The following INPP5A variants were observed in gnomAD, a reference collection of about 807,000 sequenced individuals.
INPP5A encodes the protein inositol polyphosphate-5-phosphatase A.
In INPP5A, 14 loss-of-function variants were observed where a neutral mutation model predicts 65.2. The observed-to-expected ratio is 0.21, with a 90% CI of 0.14 to 0.34. The LOEUF is 0.34. INPP5A is among the 10% of genes least tolerant of loss of function. The probability of loss-of-function intolerance (pLI) is 1.00; values close to 1 mark genes in which losing one functional copy is unlikely to be tolerated. For missense variants in INPP5A, 431 were observed against 545.6 expected, an observed-to-expected ratio of 0.79 and a Z score of 2.09; for synonymous variants, 207 against 208.3, an observed-to-expected ratio of 0.99 and a Z score of 0.05.
At chr10:132,609,020 A>C (rs1162335611) in intron 2 of INPP5A, among the ~76,000 whole-genome samples, 1 of 152,150 alleles carries the variant, frequency 6.6e-6, no homozygotes, top group African/African-American at 2.4e-5. Context: ...CCCAGCATGC[A>C]ATGGTGCTCT....
At chr10:132,688,628 TGC>T (rs1259628623) in intron 4 of INPP5A, among the ~76,000 whole-genome samples, 1 of 151,398 alleles carries the variant, frequency 6.6e-6, no homozygotes, top group African/African-American at 2.4e-5. Flanking sequence ...TGTGAGCAAG[TGC>T]GTGCGTGTGC....
intron 2 of INPP5A, among the ~76,000 whole-genome samples, chr10:132,632,808 C>G (rs1192518747): frequency 6.6e-6 from 1 of 152,230 alleles, no homozygotes; most frequent in East Asian, 1.9e-4. Flanking sequence ...GACTATTTAG[C>G]TCTGTGTCTG....
chr10:132,566,444 C>T (rs1424994412), intron 1 of INPP5A, among the ~76,000 whole-genome samples: 1 of 152,160 alleles, frequency 6.6e-6, no homozygotes, highest in East Asian at 1.9e-4. Context: ...AACAGCTGTG[C>T]AGTTGTCTTG....
At position 132,650,322 on chromosome 10, in the gene INPP5A, C is replaced by T; in HGVS notation, c.219-96C>T. 1.2e-6 allele frequency: 1 copy of T among 802,328 alleles called. No homozygotes were observed. The highest frequency in any genetic ancestry group is 2.2e-6 in the Non-Finnish European group (1 of 456,706). 49.7% of individuals were successfully genotyped at this position (802,328 alleles called of 1,614,324 possible). On this transcript the variant is annotated intron_variant, in intron 3 of 15. Coordinates refer to ENST00000368594, the MANE Select transcript of INPP5A (RefSeq NM_005539.5). This position sits in a 1 kb window ranked among gnomAD's most constrained non-coding sequence, Gnocchi z 5.5. ...GGTGGATGGTCTCACGGTGATGTAC[C>T]TATGTGCTGGAGCCCCTCTTATACC...
chr10:132,690,578 C>T (rs1845242667), intron 5 of INPP5A, 123 bp downstream of exon 5: 1 of 746,952 alleles, frequency 1.3e-6, no homozygotes, highest in Middle Eastern at 3.7e-4. Flanking sequence ...TGTCTTGAGC[C>T]ACTGTCCAGA....
At chr10:132,593,367 G>T (rs571228319) in intron 1 of INPP5A, among the ~76,000 whole-genome samples, 7 of 152,292 alleles carry the variant, frequency 4.6e-5, no homozygotes, top group Admixed American at 2.6e-4. Flanking sequence ...ACAAATGGTT[G>T]TTGACTTTAA....
intron 7 of INPP5A, chr10:132,708,609 C>T (rs1008414473): frequency 2.6e-5 from 16 of 618,114 alleles, no homozygotes; most frequent in Non-Finnish European, 4.3e-5. Flanking sequence ...ACAGTGACGG[C>T]CCCAGTCCCT....
At chr10:132,620,057 G>C (rs1330511564) in intron 2 of INPP5A, among the ~76,000 whole-genome samples, 4 of 152,188 alleles carry the variant, frequency 2.6e-5, no homozygotes, top group African/African-American at 9.7e-5. Context: ...GCTGGAGCTG[G>C]AACAACCTAG....
At chr10:132,598,986 G>A (rs953041485) in intron 1 of INPP5A, among the ~76,000 whole-genome samples, 1 of 152,160 alleles carries the variant, frequency 6.6e-6, no homozygotes, top group African/African-American at 2.4e-5. Flanking sequence ...CTCCCCCTGG[G>A]TTCTTCCCAT....
At position 132,550,976 on chromosome 10, in the gene INPP5A, C is replaced by T. The variant is rs965479445; in HGVS notation, c.75+12805C>T. ...AGTGGGCCATGTGGTGGGGACTCTG[C>T]AGGCCACCTGGAAAGGGGTCCACCT... On this transcript the variant is annotated intron_variant, in intron 1 of 15. Coordinates refer to ENST00000368594, the MANE Select transcript of INPP5A (RefSeq NM_005539.5). This position sits in a 1 kb window ranked among gnomAD's most constrained non-coding sequence, Gnocchi z 4.2. Among the ~76,000 whole-genome samples, 2 of 152,178 alleles carry T rather than the reference C, an allele frequency of 1.3e-5. No individual in the cohort carries two copies. Among genetic ancestry groups the T allele is most frequent in the African/African-American group, 4.8e-5 (2 of 41,418 alleles).
chr10:132,689,755 CCCAGCCCTGTGGCGT>C (rs375560916), intron 4 of INPP5A, among the ~76,000 whole-genome samples: 1 of 152,264 alleles, frequency 6.6e-6, no homozygotes, highest in African/African-American at 2.4e-5. Context: ...TATCCGTCGA[CCCAGCCCTGTGGCGT>C]CCAGCCGCGT....
intron 8 of INPP5A, among the ~76,000 whole-genome samples, chr10:132,712,573 T>G (rs1218658619): frequency 1.3e-5 from 2 of 151,534 alleles, no homozygotes; most frequent in Non-Finnish European, 2.9e-5. Context: ...CTTGTGTGGC[T>G]GCATGTGAGT....
intron 11 of INPP5A, among the ~76,000 whole-genome samples, chr10:132,764,599 TGGGA>T (rs1846799403): frequency 9.6e-6 from 1 of 104,414 alleles, no homozygotes; most frequent in Non-Finnish European, 1.9e-5. Flanking sequence ...CCTGCAGGGG[TGGGA>T]GGGTGTGCGT....
At chr10:132,779,890 G>A (rs1392963813) in intron 13 of INPP5A, among the ~76,000 whole-genome samples, 2 of 152,230 alleles carry the variant, frequency 1.3e-5, no homozygotes, top group Non-Finnish European at 2.9e-5. Context: ...TCAGTGAGGT[G>A]TGCCGCACGC....
chr10:132,746,645 T>C (rs1051275861), intron 9 of INPP5A, among the ~76,000 whole-genome samples: 2 of 152,204 alleles, frequency 1.3e-5, no homozygotes, highest in Non-Finnish European at 2.9e-5. Context: ...CACACAGCGT[T>C]CCCGTTAAAT....
intron 9 of INPP5A, among the ~76,000 whole-genome samples, chr10:132,736,757 G>A (rs1461985386): frequency 6.6e-6 from 1 of 152,234 alleles, no homozygotes; most frequent in African/African-American, 2.4e-5. Flanking sequence ...TGTGCACTGC[G>A]TCCTGGGAGG....
At chr10:132,623,692 G>A (rs531404073) in intron 2 of INPP5A, among the ~76,000 whole-genome samples, 88 of 152,256 alleles carry the variant, frequency 5.8e-4, no homozygotes, top group African/African-American at 2.0e-3. Context: ...TTAAGACACT[G>A]TGAAAAGAAT....
chr10:132,692,552 T>G (rs904563381), intron 5 of INPP5A, among the ~76,000 whole-genome samples: 1 of 152,082 alleles, frequency 6.6e-6, no homozygotes, highest in Non-Finnish European at 1.5e-5. Context: ...ATCCAGGAGA[T>G]TCCTTATAGG....
In INPP5A at chr10:132,576,335, G is replaced by A. The variant is rs558426178; in HGVS notation, c.76-31580G>A. On this transcript the variant is annotated intron_variant, in intron 1 of 15. Coordinates refer to ENST00000368594, the MANE Select transcript of INPP5A (RefSeq NM_005539.5). ...CTGCAGGGAGAGGAGAGTATGGAGAGGTTCAGAATGCGGGCTTGGACAGGT... is the reference window on the plus strand; with the variant it reads ...CTGCAGGGAGAGGAGAGTATGGAGAAGTTCAGAATGCGGGCTTGGACAGGT... Among the ~76,000 whole-genome samples, 9 of 152,364 alleles carry A rather than the reference G, an allele frequency of 5.9e-5. No homozygotes were observed. In the East Asian group the frequency reaches 1.5e-3, roughly 26 times the overall value.
Sources: allele counts gnomAD v4.1 joint callset (sites outside exome capture counted in the v4.1 genomes callset), GRCh38; gene constraint gnomAD v4.1.1; non-coding constraint Gnocchi (gnomAD v3.1); transcripts MANE v1.5; gene names NCBI Gene and HGNC (gene_info 2026-07-23, HGNC 2026-07-21).